ROBO2: variants seen among roughly 807,000 people sequenced by gnomAD.
ROBO2 encodes roundabout guidance receptor 2, also known as roundabout homolog 2.
Under a neutral mutation model 160.8 loss-of-function variants are expected in ROBO2, and 53 were observed. The ratio of observed to expected loss-of-function variants is 0.33; its 90% CI spans 0.26 to 0.41. ROBO2 has a LOEUF of 0.41. Ranked by LOEUF, ROBO2 falls within the 10% of genes least tolerant of loss-of-function variation. ROBO2 has a pLI of 1.00. For missense variants in ROBO2, 1,577 were observed against 1,722.4 expected (o/e 0.92, Z 1.49); for synonymous variants, 664 against 611.7 (o/e 1.09, Z -1.26).
At chr3:76,021,375 A>G (rs1308704602) in intron 2 of ROBO2, among the ~76,000 whole-genome samples, 1 of 151,852 alleles carries the variant, frequency 6.6e-6, no homozygotes. Context: ...ACAAGATAGA[A>G]CAATGGAAAC....
intron 2 of ROBO2, among the ~76,000 whole-genome samples, chr3:76,854,000 C>G (rs1283863924): frequency 6.7e-6 from 1 of 148,364 alleles, no homozygotes; most frequent in Non-Finnish European, 1.5e-5. Flanking sequence ...GATAAATGGA[C>G]AGCCAAAAGC....
intron 22 of ROBO2, 57 bp downstream of exon 23, chr3:77,617,830 C>A (rs1432283506): frequency 3.2e-6 from 5 of 1,584,580 alleles, no homozygotes; most frequent in Non-Finnish European, 4.3e-6. Flanking sequence ...AAATTTTTTT[C>A]AGAATAAATT....
chr3:77,277,170 T>TTCTTTCTTTCGTTCTG, intron 2 of ROBO2, among the ~76,000 whole-genome samples: 1 of 93,552 alleles, frequency 1.1e-5, no homozygotes, highest in African/African-American at 4.9e-5. Flanking sequence ...CTTTCTTTCT[T>TTCTTTCTTTCGTTCTG]TCTTTCTTTC....
intron 2 of ROBO2, among the ~76,000 whole-genome samples, chr3:76,093,212 A>T (rs1418363851): frequency 6.6e-6 from 1 of 152,134 alleles, no homozygotes; most frequent in Non-Finnish European, 1.5e-5. Flanking sequence ...ATACGTAAAC[A>T]GTCCCTGACA....
chr3:76,337,930 C>A (rs1456385529), intron 2 of ROBO2, among the ~76,000 whole-genome samples: 1 of 152,012 alleles, frequency 6.6e-6, no homozygotes, highest in African/African-American at 2.4e-5. Flanking sequence ...ATTATTGAAA[C>A]CCCCGTGGTA....
At chr3:76,032,208 T>G (rs2066946137) in intron 2 of ROBO2, among the ~76,000 whole-genome samples, 2 of 152,140 alleles carry the variant, frequency 1.3e-5, no homozygotes, top group African/African-American at 4.8e-5. Flanking sequence ...TGATATCCCC[T>G]TTATCATTTT....
intron 2 of ROBO2, among the ~76,000 whole-genome samples, chr3:76,937,456 G>T (rs2077781910): frequency 1.3e-5 from 2 of 151,678 alleles, no homozygotes; most frequent in South Asian, 2.1e-4. Context: ...AGTCTATTAT[G>T]ATTTTGTATT....
chr3:77,239,359 T>C (rs1008141985), intron 2 of ROBO2, among the ~76,000 whole-genome samples: 1 of 152,136 alleles, frequency 6.6e-6, no homozygotes, highest in Non-Finnish European at 1.5e-5. Context: ...CCCGGTGGGC[T>C]TGTGGTCTCC....
At chr3:75,941,401 C>G (rs1948048263) in intron 2 of ROBO2, among the ~76,000 whole-genome samples, 1 of 152,082 alleles carries the variant, frequency 6.6e-6, no homozygotes, top group African/African-American at 2.4e-5. Context: ...CAAGTTAGCC[C>G]AAGTTTTTAA....
chr3:76,197,790 A>T (rs1702331288), intron 2 of ROBO2, among the ~76,000 whole-genome samples: 1 of 152,176 alleles, frequency 6.6e-6, no homozygotes, highest in Non-Finnish European at 1.5e-5. Flanking sequence ...TTCATCTCTA[A>T]GTAATTCTAG....
At chr3:77,607,881 C>T (rs143136849) in exon 21 of ROBO2, 1 of 1,613,924 alleles carries the variant, frequency 6.2e-7, no homozygotes, top group African/African-American at 1.3e-5. Flanking sequence ...CAATGTCCCT[C>T]TACCTCCCCC....
At chr3:77,409,115 A>ATG (rs538862118) in intron 2 of ROBO2, among the ~76,000 whole-genome samples, 20 of 148,276 alleles carry the variant, frequency 1.3e-4, no homozygotes, top group African/African-American at 4.7e-4. Flanking sequence ...ATATATATAT[A>ATG]TATATATAGT....
chr3:77,160,898 TTG>T (rs768716906), intron 2 of ROBO2, among the ~76,000 whole-genome samples: 2 of 152,190 alleles, frequency 1.3e-5, no homozygotes, highest in Non-Finnish European at 2.9e-5. Context: ...ACTGCTTGCA[TTG>T]TGAGTTTGTT....
chr3:75,982,549 T>C (rs1479461679), intron 2 of ROBO2, among the ~76,000 whole-genome samples: 2 of 151,586 alleles, frequency 1.3e-5, no homozygotes, highest in African/African-American at 2.4e-5. Context: ...TTTCATAGGC[T>C]TGTTTGCTAT....
chr3:75,951,479 A>G (rs939617934), intron 2 of ROBO2, among the ~76,000 whole-genome samples: 5 of 152,110 alleles, frequency 3.3e-5, no homozygotes, highest in African/African-American at 1.2e-4. Flanking sequence ...GCCATTGATT[A>G]AATTTGGCTT....
chr3:77,566,221 C>A (rs996253850), intron 12 of ROBO2, among the ~76,000 whole-genome samples: 1 of 151,904 alleles, frequency 6.6e-6, no homozygotes, highest in South Asian at 2.1e-4. Flanking sequence ...GACTTTGTAA[C>A]GTTGCTGACA....
intron 2 of ROBO2, among the ~76,000 whole-genome samples, chr3:77,337,578 TTA>T (rs2066616707): frequency 1.3e-5 from 2 of 152,298 alleles, no homozygotes; most frequent in East Asian, 1.9e-4. Context: ...TGATATAAAA[TTA>T]TGTTTCTTAT....
intron 2 of ROBO2, among the ~76,000 whole-genome samples, chr3:76,045,877 T>G (rs930940603): frequency 6.6e-6 from 1 of 151,978 alleles, no homozygotes; most frequent in South Asian, 2.1e-4. Flanking sequence ...AAGAGTTTTA[T>G]TTTTATTTTT....
intron 2 of ROBO2, among the ~76,000 whole-genome samples, chr3:75,978,133 TA>T (rs2065180416): frequency 6.6e-6 from 1 of 151,598 alleles, no homozygotes; most frequent in Admixed American, 6.6e-5. Context: ...TTTACCATCA[TA>T]AATGTGGTGT....
Sources: gnomAD v4.1 joint callset for allele counts (sites outside exome capture counted in the v4.1 genomes callset) on GRCh38, gnomAD v4.1.1 for gene constraint, MANE v1.5 for transcripts, NCBI Gene and HGNC (gene_info 2026-07-23, HGNC 2026-07-21) for gene names.